Variants in BABAM2 observed in about 807,000 individuals in gnomAD.
BABAM2 encodes the protein BRISC and BRCA1 A complex member 2.
A neutral mutation model predicts 54.7 loss-of-function variants in BABAM2; 31 were observed. The observed-to-expected ratio is 0.57, with a 90% CI of 0.43 to 0.77. BABAM2 has a LOEUF of 0.77. Among genes scored for constraint, BABAM2 ranks in the 30% least tolerant of loss-of-function variants. The probability of loss-of-function intolerance (pLI) is 0.00; values close to 1 mark genes in which losing one functional copy is unlikely to be tolerated. For missense variants in BABAM2, 364 were observed against 455.8 expected (o/e 0.80, Z 1.83); for synonymous variants, 167 against 162.9 (o/e 1.03, Z -0.19).
chr2:28,024,385 G>T (rs1174237516), intron 4 of BABAM2, among the ~76,000 whole-genome samples: 1 of 150,682 alleles, frequency 6.6e-6, no homozygotes, highest in East Asian at 1.9e-4. Flanking sequence ...CAGCCTGGGC[G>T]ACAGAGCGAG....
intron 10 of BABAM2, among the ~76,000 whole-genome samples, chr2:28,287,974 C>G (rs1313528870): frequency 6.6e-6 from 1 of 152,140 alleles, no homozygotes; most frequent in Non-Finnish European, 1.5e-5. Context: ...GCACTTGGGA[C>G]AGGAGGGGTT....
At chr2:28,262,793 C>T (rs1052860754) in intron 10 of BABAM2, among the ~76,000 whole-genome samples, 1 of 152,150 alleles carries the variant, frequency 6.6e-6, no homozygotes, top group African/African-American at 2.4e-5. Context: ...CCATTCCAAC[C>T]TGCAAACTGC....
intron 4 of BABAM2, among the ~76,000 whole-genome samples, chr2:28,022,567 C>T (rs940894316): frequency 1.1e-4 from 17 of 152,088 alleles, no homozygotes; most frequent in Admixed American, 8.5e-4. Context: ...TCTCTGAATG[C>T]GTTTTTCATT....
chr2:28,202,721 CT>C (rs1308839187), intron 7 of BABAM2, among the ~76,000 whole-genome samples: 33 of 152,164 alleles, frequency 2.2e-4, no homozygotes, highest in African/African-American at 7.2e-4. Context: ...GAAATGGAAC[CT>C]ATGAATACAA....
chr2:28,099,691 T>G (rs1666913283), intron 6 of BABAM2, among the ~76,000 whole-genome samples: 1 of 152,216 alleles, frequency 6.6e-6, no homozygotes, highest in Non-Finnish European at 1.5e-5. Context: ...ATGAGGTAGA[T>G]TGAAAAGCAT....
chr2:28,045,959 A>G (rs1487432556), intron 6 of BABAM2, among the ~76,000 whole-genome samples, 160 bp downstream of exon 6: 2 of 152,226 alleles, frequency 1.3e-5, no homozygotes, highest in Non-Finnish European at 2.9e-5. Context: ...TTTGCTGCCT[A>G]AAAGCTAAAA....
At position 28,019,321 on chromosome 2, in the gene BABAM2, G is replaced by A. The variant is rs188343984; in HGVS notation, c.301-5905G>A. On this transcript the variant is annotated intron_variant, in intron 4 of 11. Transcript: ENST00000379624. Reference sequence around the variant, plus strand: ...TGCTGCAATAAACATAGGTGTGCACGTGTCTCACTTCTTAATGAGATTTTT... The same window carrying A: ...TGCTGCAATAAACATAGGTGTGCACATGTCTCACTTCTTAATGAGATTTTT... 2.8e-5 allele frequency among the ~76,000 whole-genome samples: 4 copies of A among 143,620 alleles called. No individual in the cohort carries two copies. The East Asian group carries it at 6.2e-4, about 22-fold the overall frequency. The allele number at this position is 143,620 out of a possible 152,430, so 94.2% of individuals were successfully genotyped here. A position where few individuals can be genotyped will look rare whatever the true frequency, so the allele number is the denominator to read the frequency against.
At chr2:28,271,158 A>G (rs180717834) in intron 10 of BABAM2, among the ~76,000 whole-genome samples, 400 of 152,342 alleles carry the variant, frequency 2.6e-3, no homozygotes, top group African/African-American at 9.4e-3. Flanking sequence ...AGTGTTTGAG[A>G]TAAAAGGAGG....
chr2:27,996,768 G>C (rs1023532411), intron 4 of BABAM2, among the ~76,000 whole-genome samples: 1 of 152,108 alleles, frequency 6.6e-6, no homozygotes, highest in Non-Finnish European at 1.5e-5. Flanking sequence ...AATGTCCCCA[G>C]GGTAGGAGCA....
intron 6 of BABAM2, among the ~76,000 whole-genome samples, chr2:28,111,054 C>T (rs189670880): frequency 4.6e-5 from 7 of 151,292 alleles, no homozygotes; most frequent in Admixed American, 2.6e-4. Context: ...CTGCAACCTC[C>T]GCCTCCTGGG....
chr2:27,971,378 A>G (rs950454256), intron 3 of BABAM2, among the ~76,000 whole-genome samples: 3 of 152,158 alleles, frequency 2.0e-5, no homozygotes, highest in Non-Finnish European at 4.4e-5. Context: ...CAAAATCTTT[A>G]CAGTCACATG....
intron 4 of BABAM2, 110 bp from the exon 5 acceptor site, chr2:28,025,116 C>G: frequency 1.0e-6 from 1 of 1,003,130 alleles, no homozygotes; most frequent in Non-Finnish European, 1.4e-6. Flanking sequence ...GTAGTCTGTT[C>G]CTCTTAGATT....
intron 7 of BABAM2, among the ~76,000 whole-genome samples, chr2:28,220,536 T>C (rs1247357235): frequency 6.6e-6 from 1 of 152,204 alleles, no homozygotes; most frequent in African/African-American, 2.4e-5. Flanking sequence ...TCTCTCTCTC[T>C]CTCCATCTCT....
At chr2:27,966,593 T>C (rs1220071578) in intron 3 of BABAM2, among the ~76,000 whole-genome samples, 2 of 152,340 alleles carry the variant, frequency 1.3e-5, no homozygotes, top group South Asian at 4.1e-4. Flanking sequence ...GCTCATCTTG[T>C]ACTTTTTAAA....
rs1281358428 is a variant in BABAM2, at chr2:28,090,216, T to C, written c.571-39055T>C. Among the ~76,000 whole-genome samples the C allele has an allele frequency of 2.0e-5, 3 of 152,178 alleles. No individual in the cohort carries two copies. The East Asian group carries it at 5.8e-4, about 29-fold the overall frequency. On this transcript the variant is annotated intron_variant, in intron 6 of 11. Transcript: ENST00000379624. ...CTTGTATTTGCCACAAAGCATGTAG[T>C]TCCTTGTAAATCCTTGAGAAAGGTA...
intron 6 of BABAM2, among the ~76,000 whole-genome samples, chr2:28,070,336 G>C (rs368036629): frequency 1.3e-5 from 2 of 152,090 alleles, no homozygotes; most frequent in African/African-American, 2.4e-5. Context: ...TTATCTTTGA[G>C]CATTCCTACT....
intron 11 of BABAM2, chr2:28,309,840 G>T: frequency 2.1e-6 from 1 of 483,276 alleles, no homozygotes; most frequent in Admixed American, 3.3e-5. Flanking sequence ...CGGGTGATCA[G>T]AGCCCCCGAG....
At chr2:28,166,028 A>C (rs1673638371) in intron 7 of BABAM2, among the ~76,000 whole-genome samples, 1 of 152,196 alleles carries the variant, frequency 6.6e-6, no homozygotes, top group South Asian at 2.1e-4. Context: ...TGTCCTTATA[A>C]TAAGAGGAAA....
At chr2:28,186,546 G>A (rs1227087762) in intron 7 of BABAM2, among the ~76,000 whole-genome samples, 1 of 151,974 alleles carries the variant, frequency 6.6e-6, no homozygotes, top group Non-Finnish European at 1.5e-5. Flanking sequence ...CAGGAGCATT[G>A]CTTGAGCCCA....
Sources: gnomAD v4.1 joint callset for allele counts (sites outside exome capture counted in the v4.1 genomes callset) on GRCh38, gnomAD v4.1.1 for gene constraint, MANE v1.5 for transcripts, NCBI Gene and HGNC (gene_info 2026-07-23, HGNC 2026-07-21) for gene names.